The following TRHDE variants were observed in gnomAD, a reference collection of about 807,000 sequenced individuals.
TRHDE encodes the protein thyrotropin releasing hormone degrading enzyme.
In TRHDE, 72 loss-of-function variants were observed where a neutral mutation model predicts 125.7. The observed-to-expected ratio is 0.57, with a 90% confidence interval of 0.47 to 0.70. The LOEUF is 0.70. Among genes scored for constraint, TRHDE ranks in the 30% least tolerant of loss-of-function variants. The probability of loss-of-function intolerance (pLI) is 0.00; values close to 1 mark genes in which losing one functional copy is unlikely to be tolerated. For missense variants in TRHDE, 1,110 were observed against 1,327.1 expected, an observed-to-expected ratio of 0.84 and a Z score of 2.54; for synonymous variants, 509 against 509.1, an observed-to-expected ratio of 1.00 and a Z score of 0.00.
At chr12:72,395,351 C>A (rs901788293) in intron 3 of TRHDE, among the ~76,000 whole-genome samples, 1 of 152,080 alleles carries the variant, frequency 6.6e-6, no homozygotes, top group Non-Finnish European at 1.5e-5. Context: ...ATCTTCATTG[C>A]CCCCCATTCA....
rs1403006334 is a variant in TRHDE, at chr12:72,472,760, A to G, written c.1471-307A>G. On this transcript the variant is annotated intron_variant, in intron 4 of 18. Coordinates refer to ENST00000261180, the MANE Select transcript of TRHDE (RefSeq NM_013381.3). ...TTCCTCTTCTACGTAATAGGTCTTC[A>G]AATATTTGAAGACAGCTCTCATCAG... 2.6e-5 allele frequency among the ~76,000 whole-genome samples: 4 copies of G among 152,142 alleles called. No homozygotes were observed. In the East Asian group the frequency reaches 7.7e-4, roughly 29 times the overall value.
chr12:72,272,360 G>A (rs1463858938), upstream of TRHDE: 2 of 369,200 alleles, frequency 5.4e-6, no homozygotes, highest in African/African-American at 4.2e-5. This position sits in a 1 kb window ranked among gnomAD's most constrained non-coding sequence, Gnocchi z 6.7. Flanking sequence ...CCGCCGCCGG[G>A]TGCTCGTCCG....
intron 2 of TRHDE, among the ~76,000 whole-genome samples, chr12:72,206,879 T>C (rs1877678995): frequency 6.6e-6 from 1 of 151,884 alleles, no homozygotes; most frequent in Non-Finnish European, 1.5e-5. Flanking sequence ...TAGGAGAAAG[T>C]ATTTTGCATA....
chr12:72,207,735 C>T (rs1877698453), intron 2 of TRHDE, among the ~76,000 whole-genome samples: 1 of 152,128 alleles, frequency 6.6e-6, no homozygotes, highest in Admixed American at 6.5e-5. Flanking sequence ...TATCTGCAGG[C>T]CTCACCATTC....
At chr12:72,305,862 T>A (rs1017699558) in intron 2 of TRHDE, among the ~76,000 whole-genome samples, 2 of 152,298 alleles carry the variant, frequency 1.3e-5, no homozygotes, top group Admixed American at 6.5e-5. Flanking sequence ...TTATATGAAT[T>A]CTCCACACAC....
upstream of TRHDE, among the ~76,000 whole-genome samples, chr12:72,270,049 C>T (rs910622734): frequency 2.6e-5 from 4 of 152,150 alleles, no homozygotes; most frequent in African/African-American, 9.7e-5. Context: ...ACCCTAAAGT[C>T]AGAGAAGTCT....
At chr12:72,301,367 G>C (rs867118839) in intron 2 of TRHDE, among the ~76,000 whole-genome samples, 6 of 152,120 alleles carry the variant, frequency 3.9e-5, no homozygotes, top group African/African-American at 1.4e-4. Flanking sequence ...GGGAATGTAA[G>C]AGATGCTTAT....
At chr12:72,295,614 C>T (rs1391302368) in intron 2 of TRHDE, among the ~76,000 whole-genome samples, 5 of 152,106 alleles carry the variant, frequency 3.3e-5, no homozygotes. Flanking sequence ...CAGGAAAGTA[C>T]AAGACATATA....
At chr12:72,639,533 C>T (rs1240087626) in intron 15 of TRHDE, among the ~76,000 whole-genome samples, 9 of 152,190 alleles carry the variant, frequency 5.9e-5, no homozygotes, top group South Asian at 2.1e-4. Context: ...AGCTTTGTTC[C>T]GTTGCTGGTG....
intron 2 of TRHDE, among the ~76,000 whole-genome samples, chr12:72,328,931 A>G (rs74103437): frequency 0.068 from 10,386 of 152,262 alleles, 413 homozygotes; most frequent in African/African-American, 0.11. Context: ...TCCTTTATAT[A>G]GGATAAAAAT....
At chr12:72,503,232 T>A (rs981892229) in intron 6 of TRHDE, among the ~76,000 whole-genome samples, 1 of 152,132 alleles carries the variant, frequency 6.6e-6, no homozygotes, top group African/African-American at 2.4e-5. Context: ...CTTATAAGCA[T>A]CTGATGGGGT....
intron 2 of TRHDE, among the ~76,000 whole-genome samples, chr12:72,325,489 A>T (rs1869297137): frequency 6.6e-6 from 1 of 152,146 alleles, no homozygotes; most frequent in Non-Finnish European, 1.5e-5. Context: ...CTGGAATTTG[A>T]TGTTTTAGGA....
chr12:72,651,315 T>A (rs1056449962), intron 15 of TRHDE, among the ~76,000 whole-genome samples: 2 of 152,052 alleles, frequency 1.3e-5, no homozygotes, highest in African/African-American at 4.8e-5. Context: ...TCAGATCATC[T>A]TACTGGTAGT....
At chr12:72,103,707 G>A (rs971255267) in intron 1 of TRHDE, among the ~76,000 whole-genome samples, 1 of 152,124 alleles carries the variant, frequency 6.6e-6, no homozygotes, top group Non-Finnish European at 1.5e-5. Context: ...GGGTTGCCGT[G>A]AAAGCAGACA....
intron 12 of TRHDE, among the ~76,000 whole-genome samples, chr12:72,601,380 A>G (rs1288727648): frequency 6.6e-6 from 1 of 152,132 alleles, no homozygotes; most frequent in Non-Finnish European, 1.5e-5. Flanking sequence ...AATGTCATCG[A>G]CTACTGGTGA....
intron 3 of TRHDE, among the ~76,000 whole-genome samples, chr12:72,451,921 T>C (rs754943413): frequency 2.0e-5 from 3 of 152,126 alleles, no homozygotes; most frequent in Non-Finnish European, 2.9e-5. Flanking sequence ...CTCTGACTTC[T>C]GGGTTCAAGT....
intron 12 of TRHDE, among the ~76,000 whole-genome samples, chr12:72,596,655 G>T (rs1285138348): frequency 5.3e-5 from 8 of 152,164 alleles, no homozygotes; most frequent in Middle Eastern, 3.2e-3. Flanking sequence ...GGCAATTGAA[G>T]ATTTAGGATG....
chr12:72,461,842 A>G (rs984801114), intron 3 of TRHDE, among the ~76,000 whole-genome samples: 7 of 152,188 alleles, frequency 4.6e-5, no homozygotes, highest in African/African-American at 1.7e-4. Context: ...CCTGAGGCCT[A>G]TGATGCATTC....
rs71456097 is a variant in TRHDE, at chr12:72,330,298, C to A, written c.1188+43344C>A. ...CTCCCCACCTCCCTACCCCCCACCT[C>A]CCAATTCTTAAAAAATAAAGGCAAA... On this transcript the variant is annotated intron_variant, in intron 2 of 18. Coordinates refer to ENST00000261180, the MANE Select transcript of TRHDE (RefSeq NM_013381.3). 5.1e-4 allele frequency among the ~76,000 whole-genome samples: 77 copies of A among 151,400 alleles called. 1 individual carries two copies. The highest frequency in any genetic ancestry group is 1.0e-3 in the South Asian group (5 of 4,770).
Sources: gnomAD v4.1 joint callset for allele counts (sites outside exome capture counted in the v4.1 genomes callset) on GRCh38, gnomAD v4.1.1 for gene constraint, Gnocchi (gnomAD v3.1) non-coding constraint, MANE v1.5 for transcripts, NCBI Gene and HGNC (gene_info 2026-07-23, HGNC 2026-07-21) for gene names.